SNTB1: variants seen among roughly 807,000 people sequenced by gnomAD.
SNTB1 encodes beta-1-syntrophin.
In SNTB1, 36 loss-of-function variants were observed where a neutral mutation model predicts 48.9. The ratio of observed to expected loss-of-function variants is 0.74; its 90% CI spans 0.56 to 0.97. The LOEUF is 0.97. SNTB1 is among the 50% of genes least tolerant of loss of function. SNTB1 has a pLI of 0.00. For synonymous variants in SNTB1, 299 were observed against 294.6 expected, an observed-to-expected ratio of 1.01 and a Z score of -0.15; for missense variants, 786 against 703.4, an observed-to-expected ratio of 1.12 and a Z score of -1.33.
intron 2 of SNTB1, among the ~76,000 whole-genome samples, chr8:120,640,236 G>A (rs899711349): frequency 1.2e-4 from 18 of 152,286 alleles, no homozygotes; most frequent in African/African-American, 4.1e-4. Context: ...TTTGTATCCT[G>A]AGACTTTGCT....
intron 2 of SNTB1, among the ~76,000 whole-genome samples, chr8:120,633,023 T>A (rs1297312997): frequency 2.6e-5 from 4 of 152,234 alleles, no homozygotes; most frequent in Non-Finnish European, 5.9e-5. Context: ...TTTAATAATA[T>A]ACTCACACAT....
chr8:120,696,590 G>A (rs146642909), intron 1 of SNTB1, among the ~76,000 whole-genome samples: 207 of 152,212 alleles, frequency 1.4e-3, no homozygotes, highest in Non-Finnish European at 2.6e-3. Flanking sequence ...TTTATTTACC[G>A]AGCATCCATG....
chr8:120,739,117 A>G (rs1819000761), intron 1 of SNTB1, among the ~76,000 whole-genome samples: 3 of 152,234 alleles, frequency 2.0e-5, no homozygotes, highest in Admixed American at 6.5e-5. Flanking sequence ...GCAAATGTTT[A>G]CTGAAAATCT....
At chr8:120,543,383 G>C (rs1232290806) in intron 5 of SNTB1, among the ~76,000 whole-genome samples, 1 of 152,162 alleles carries the variant, frequency 6.6e-6, no homozygotes, top group Non-Finnish European at 1.5e-5. Flanking sequence ...ATAAGAGCAA[G>C]AGCTTTATTG....
At chr8:120,614,588 C>T (rs1324809800) in intron 3 of SNTB1, among the ~76,000 whole-genome samples, 1 of 152,198 alleles carries the variant, frequency 6.6e-6, no homozygotes, top group Non-Finnish European at 1.5e-5. Context: ...TGCCTGTGGT[C>T]AATGCCACAT....
chr8:120,608,293 T>C (rs1366042303), intron 3 of SNTB1, among the ~76,000 whole-genome samples: 1 of 152,246 alleles, frequency 6.6e-6, no homozygotes, highest in Non-Finnish European at 1.5e-5. Flanking sequence ...ACAACAGTTA[T>C]GGGTGAAATT....
intron 1 of SNTB1, among the ~76,000 whole-genome samples, chr8:120,745,946 A>G (rs559357259): frequency 8.5e-5 from 13 of 152,180 alleles, no homozygotes; most frequent in Non-Finnish European, 1.8e-4. Context: ...ACCATGCCCA[A>G]GGGTCTATCC....
intron 3 of SNTB1, among the ~76,000 whole-genome samples, chr8:120,611,895 C>G (rs1331730553): frequency 2.0e-5 from 3 of 149,686 alleles, no homozygotes; most frequent in African/African-American, 7.4e-5. Context: ...TGGAAGTACT[C>G]TCAGTATTAC....
At chr8:120,799,513 T>TA (rs1194577533) in intron 1 of SNTB1, among the ~76,000 whole-genome samples, 11 of 151,724 alleles carry the variant, frequency 7.3e-5, no homozygotes, top group African/African-American at 2.4e-4. Context: ...TTTGGGAACT[T>TA]AGAGATATGA....
intron 2 of SNTB1, among the ~76,000 whole-genome samples, chr8:120,659,253 C>G (rs548543419): frequency 1.2e-3 from 176 of 152,230 alleles, no homozygotes; most frequent in African/African-American, 4.0e-3. Context: ...TGTGAGCCAT[C>G]ATGCCTGGCT....
At chr8:120,758,475 TATC>T (rs891596028) in intron 1 of SNTB1, among the ~76,000 whole-genome samples, 1 of 152,188 alleles carries the variant, frequency 6.6e-6, no homozygotes, top group Non-Finnish European at 1.5e-5. Flanking sequence ...AGAGAGTCAA[TATC>T]ATGTTCCTTA....
chr8:120,556,452 A>G (rs1815568926), intron 4 of SNTB1, among the ~76,000 whole-genome samples: 1 of 152,238 alleles, frequency 6.6e-6, no homozygotes. Flanking sequence ...TTGTTATTTC[A>G]TTCCTATTAA....
intron 4 of SNTB1, among the ~76,000 whole-genome samples, chr8:120,572,000 C>T (rs1815862813): frequency 6.6e-6 from 1 of 152,144 alleles, no homozygotes; most frequent in Non-Finnish European, 1.5e-5. Context: ...TCCCCACCTC[C>T]CCGGCCCCAC....
At chr8:120,802,674 A>G (rs974863577) in intron 1 of SNTB1, among the ~76,000 whole-genome samples, 6 of 152,136 alleles carry the variant, frequency 3.9e-5, no homozygotes, top group Admixed American at 3.9e-4. Context: ...TAACTGATAC[A>G]ATTGAATGCT....
chr8:120,724,905 G>A (rs1486615574), intron 1 of SNTB1, among the ~76,000 whole-genome samples: 1 of 152,220 alleles, frequency 6.6e-6, no homozygotes, highest in African/African-American at 2.4e-5. Flanking sequence ...GAGATGCAGG[G>A]TAGGGGAGTA....
At chr8:120,636,114 T>C (rs1817071685) in intron 2 of SNTB1, 2 of 290,440 alleles carry the variant, frequency 6.9e-6, no homozygotes, top group East Asian at 9.1e-5. Context: ...AGAAGTCCAG[T>C]GTTGAGGGGC....
At chr8:120,604,691 T>C (rs540903550) in intron 3 of SNTB1, among the ~76,000 whole-genome samples, 113 of 152,264 alleles carry the variant, frequency 7.4e-4, no homozygotes, top group African/African-American at 2.6e-3. Context: ...CCTCAGGTGA[T>C]CCACCCACCT....
intron 4 of SNTB1, among the ~76,000 whole-genome samples, chr8:120,572,972 G>A (rs1443810747): frequency 6.6e-6 from 1 of 152,126 alleles, no homozygotes; most frequent in East Asian, 1.9e-4. Flanking sequence ...TGTGAATAAT[G>A]TTGCAATGAA....
intron 2 of SNTB1, chr8:120,637,823 C>T: frequency 3.3e-6 from 1 of 299,302 alleles, no homozygotes; most frequent in South Asian, 3.4e-5. Context: ...TGCTCTGTCT[C>T]TTGCAAAAGG....
Sources: gnomAD v4.1 joint callset for allele counts (sites outside exome capture counted in the v4.1 genomes callset) on GRCh38, gnomAD v4.1.1 for gene constraint, MANE v1.5 for transcripts, NCBI Gene and HGNC (gene_info 2026-07-23, HGNC 2026-07-21) for gene names.